NELL1: variants seen among roughly 807,000 people sequenced by gnomAD.
The protein encoded by NELL1 is neural EGFL like 1.
In NELL1, 76 loss-of-function variants were observed where a neutral mutation model predicts 107.4. The ratio of observed to expected loss-of-function variants is 0.71; its 90% CI spans 0.59 to 0.86. The LOEUF is 0.86. NELL1 is among the 40% of genes least tolerant of loss of function. NELL1 has a pLI of 0.00. For missense variants in NELL1, 1,024 were observed against 1,005.5 expected (o/e 1.02, Z -0.25); for synonymous variants, 353 against 341.2 (o/e 1.03, Z -0.38).
chr11:21,112,923 T>G (rs1413467523), intron 12 of NELL1, among the ~76,000 whole-genome samples: 1 of 152,024 alleles, frequency 6.6e-6, no homozygotes, highest in Non-Finnish European at 1.5e-5. Context: ...GGTTGTAGGT[T>G]ATTTTAATCC....
chr11:21,095,147 A>G (rs930023679), intron 12 of NELL1, among the ~76,000 whole-genome samples: 2 of 152,190 alleles, frequency 1.3e-5, no homozygotes, highest in African/African-American at 4.8e-5. Flanking sequence ...AGTTCCACAC[A>G]TCTCTAGGGC....
chr11:21,470,088 C>T (rs1854135966), intron 15 of NELL1, among the ~76,000 whole-genome samples: 1 of 151,934 alleles, frequency 6.6e-6, no homozygotes, highest in African/African-American at 2.4e-5. Flanking sequence ...ATGTAGTTTT[C>T]TTTATGAACT....
At chr11:20,710,685 G>GT (rs200739268) in intron 2 of NELL1, among the ~76,000 whole-genome samples, 2,076 of 151,216 alleles carry the variant, frequency 0.014, 45 homozygotes, top group African/African-American at 0.048. Flanking sequence ...TTTGTTGGCA[G>GT]TTTTTTTTTA....
chr11:21,020,813 G>T (rs569423824), intron 12 of NELL1, among the ~76,000 whole-genome samples: 2 of 151,946 alleles, frequency 1.3e-5, no homozygotes, highest in South Asian at 4.2e-4. Flanking sequence ...TCCCTTTCCT[G>T]CTCAGAAGAG....
At chr11:21,282,147 T>C (rs1036461190) in intron 14 of NELL1, among the ~76,000 whole-genome samples, 3 of 151,414 alleles carry the variant, frequency 2.0e-5, no homozygotes, top group African/African-American at 7.3e-5. Context: ...AACAACTCTA[T>C]AGGAAAAAAA....
Position 21,216,043 on chromosome 11 carries a change from C to A in NELL1, c.1427-13289C>A, listed in dbSNP as rs557842510. On this transcript the variant is annotated intron_variant, in intron 13 of 19. Transcript: ENST00000357134. ...ATGGTTTCCTGGGCCAGGTCCAGGGCCTCCCCTCTGTGTACAGCCTCAGGA... is the reference window on the plus strand; with the variant it reads ...ATGGTTTCCTGGGCCAGGTCCAGGGACTCCCCTCTGTGTACAGCCTCAGGA... 7.8e-4 allele frequency among the ~76,000 whole-genome samples: 118 copies of A among 152,198 alleles called. No homozygotes were observed. The Middle Eastern group carries it at 0.014, about 18-fold the overall frequency.
intron 15 of NELL1, among the ~76,000 whole-genome samples, chr11:21,517,422 G>A (rs1436879006): frequency 1.3e-5 from 2 of 152,142 alleles, no homozygotes; most frequent in Non-Finnish European, 2.9e-5. Flanking sequence ...GCAAGGCATG[G>A]TAACATTTTT....
chr11:21,223,172 TTC>T (rs150520314), intron 13 of NELL1, among the ~76,000 whole-genome samples: 8 of 150,656 alleles, frequency 5.3e-5, no homozygotes, highest in Non-Finnish European at 7.4e-5. Flanking sequence ...TTGGAATCTC[TTC>T]TCTCTCTCTC....
chr11:21,194,328 G>A (rs1433838220), intron 13 of NELL1, among the ~76,000 whole-genome samples: 1 of 152,130 alleles, frequency 6.6e-6, no homozygotes, highest in Non-Finnish European at 1.5e-5. Flanking sequence ...ACTGGAATGG[G>A]CTTGGTTGTT....
At chr11:21,546,351 C>T (rs1246148063) in intron 16 of NELL1, among the ~76,000 whole-genome samples, 1 of 151,950 alleles carries the variant, frequency 6.6e-6, no homozygotes. Context: ...TACAGAAACT[C>T]CTGGCTTGAA....
intron 15 of NELL1, among the ~76,000 whole-genome samples, chr11:21,420,696 G>A (rs1333420488): frequency 6.6e-6 from 1 of 152,136 alleles, no homozygotes; most frequent in Non-Finnish European, 1.5e-5. Flanking sequence ...CAGAAGACTG[G>A]AGGTTTGCTC....
intron 2 of NELL1, among the ~76,000 whole-genome samples, chr11:20,714,751 A>G (rs1855199667): frequency 2.0e-5 from 3 of 152,094 alleles, no homozygotes; most frequent in South Asian, 4.1e-4. Flanking sequence ...TAGAAAATAT[A>G]CTTTTAAAAT....
chr11:21,215,758 AT>A (rs1857599950), intron 13 of NELL1, among the ~76,000 whole-genome samples: 1 of 152,148 alleles, frequency 6.6e-6, no homozygotes, highest in Non-Finnish European at 1.5e-5. Context: ...ATTTAGGGTG[AT>A]TTGTGGAAGG....
At chr11:21,496,981 A>G (rs879328925) in intron 15 of NELL1, among the ~76,000 whole-genome samples, 1 of 151,888 alleles carries the variant, frequency 6.6e-6, no homozygotes, top group Non-Finnish European at 1.5e-5. Context: ...GCTGCATAGT[A>G]TTCCATGGTG....
intron 2 of NELL1, among the ~76,000 whole-genome samples, chr11:20,719,427 C>CACAT (rs1251271765): frequency 6.6e-6 from 1 of 151,856 alleles, no homozygotes; most frequent in Non-Finnish European, 1.5e-5. Flanking sequence ...AAAACACACA[C>CACAT]ACACACACAC....
intron 15 of NELL1, among the ~76,000 whole-genome samples, chr11:21,437,917 G>A (rs1955067): frequency 6.6e-6 from 1 of 152,218 alleles, no homozygotes; most frequent in African/African-American, 2.4e-5. Context: ...TAGGTGAAAA[G>A]TTACTTCTGT....
chr11:20,795,099 T>C (rs542528147), intron 3 of NELL1, among the ~76,000 whole-genome samples: 5 of 152,342 alleles, frequency 3.3e-5, no homozygotes, highest in East Asian at 3.9e-4. Flanking sequence ...AGTTCCCTTC[T>C]GGCCAAAGGC....
At chr11:21,135,962 T>G (rs950283451) in intron 13 of NELL1, among the ~76,000 whole-genome samples, 2 of 152,200 alleles carry the variant, frequency 1.3e-5, no homozygotes, top group Non-Finnish European at 2.9e-5. Context: ...TCTGCCATTG[T>G]GGAGTTTATA....
intron 12 of NELL1, among the ~76,000 whole-genome samples, chr11:21,017,279 T>C (rs1370888545): frequency 6.6e-6 from 1 of 152,128 alleles, no homozygotes; most frequent in Non-Finnish European, 1.5e-5. Context: ...CAAGAAACTC[T>C]TGAGAATGAC....
Sources: gnomAD v4.1 joint callset for allele counts (sites outside exome capture counted in the v4.1 genomes callset) on GRCh38, gnomAD v4.1.1 for gene constraint, MANE v1.5 for transcripts, NCBI Gene and HGNC (gene_info 2026-07-23, HGNC 2026-07-21) for gene names.